The following ADGRG4 variants were observed in gnomAD, a reference collection of about 807,000 sequenced individuals.
The protein encoded by ADGRG4 is adhesion G protein-coupled receptor G4, also known as G protein-coupled receptor 112.
Under a neutral mutation model 126.2 loss-of-function variants are expected in ADGRG4, and 122 were observed. The observed-to-expected ratio is 0.97, with a 90% CI of 0.83 to 1.12. The LOEUF (loss-of-function observed/expected upper bound fraction) is 1.12. ADGRG4 is among the 50% of genes most tolerant of loss of function. ADGRG4 has a pLI of 0.00. For missense variants in ADGRG4, 2,481 were observed against 2,251.8 expected, an observed-to-expected ratio of 1.10 and a Z score of -2.06; for synonymous variants, 943 against 838.7, an observed-to-expected ratio of 1.12 and a Z score of -2.15.
Position 136,328,464 on chromosome X carries a change from G to T in ADGRG4, c.685+5072G>T, listed in dbSNP as rs915313404. On this transcript the variant is annotated intron_variant, in intron 5 of 25. Coordinates refer to ENST00000394143, the MANE Select transcript of ADGRG4 (RefSeq NM_153834.4). Reference sequence around the variant, plus strand: ...ACCTGTGAATGTATGAAGAAAAAGAGTCTTCCAAAGACATGCAGATTAAAT... The same window carrying T: ...ACCTGTGAATGTATGAAGAAAAAGATTCTTCCAAAGACATGCAGATTAAAT... Among the ~76,000 whole-genome samples the T allele has an allele frequency of 2.7e-5, 3 of 112,016 alleles. No individual in the cohort carries two copies. In the East Asian group the frequency reaches 8.3e-4, roughly 31 times the overall value.
chrX:136,351,600 A>T lies in ADGRG4; in HGVS notation c.6822+59A>T. On this transcript the variant is annotated intron_variant, in intron 7 of 25. Transcript: ENST00000394143. Reference sequence around the variant, plus strand: ...TAAATATATGTGAATATATACATTTATATATATGACAGAATATATTAAAAC... The same window carrying T: ...TAAATATATGTGAATATATACATTTTTATATATGACAGAATATATTAAAAC... The T allele has an allele frequency of 6.0e-6, 3 of 499,325 alleles. No homozygotes were observed. In the African/African-American group the frequency reaches 7.4e-5, roughly 12 times the overall value. The allele number at this position is 499,325 out of a possible 1,213,427, so 41.1% of individuals were successfully genotyped here.
Position 136,358,050 on chromosome X carries a change from C to T in ADGRG4, c.6980+294C>T, listed in dbSNP as rs763376229. On this transcript the variant is annotated intron_variant, in intron 10 of 25. Coordinates refer to ENST00000394143, the MANE Select transcript of ADGRG4 (RefSeq NM_153834.4). The stretch of plus-strand genomic sequence containing the variant: ...TGTTTGTTTTGGTCAAAAAGGTCCA[C>T]GAAACACTTGGCAGGGAAATTGGAA... Among the ~76,000 whole-genome samples the T allele has an allele frequency of 8.1e-5, 9 of 111,507 alleles. No homozygotes were observed. In the East Asian group the frequency reaches 8.5e-4, roughly 11 times the overall value.
At chrX:136,363,339 G>T (rs2075139433) in intron 12 of ADGRG4, 138 bp from the exon 13 acceptor site, 1 of 498,436 alleles carries the variant, frequency 2.0e-6, no homozygotes, top group Non-Finnish European at 3.6e-6. Context: ...AAGAAGTACT[G>T]GGCTCCCACC....
At chrX:136,361,632 A>T in intron 12 of ADGRG4, 45 bp downstream of exon 12, 1 of 1,011,188 alleles carries the variant, frequency 9.9e-7, no homozygotes, top group Non-Finnish European at 1.3e-6. Context: ...ATATACAAAG[A>T]TCTACCTAAT....
chrX:136,367,197 G>A (rs1160115501), intron 13 of ADGRG4, among the ~76,000 whole-genome samples: 1 of 112,135 alleles, frequency 8.9e-6, no homozygotes, highest in Non-Finnish European at 1.9e-5. Flanking sequence ...CCAGTGCCTC[G>A]CAGAAGGGCC....
rs753098159 is a variant in ADGRG4 at position 136,347,306 on chromosome X, G to T, written c.3600G>T (p.Leu1200Phe). The T allele has an allele frequency of 1.8e-5, 22 of 1,208,378 alleles. No homozygotes were observed. In the Admixed American group the frequency reaches 4.8e-4, roughly 26 times the overall value. ...GTGGTGGTGGAGTTGTTGCCAGCTT[G>T]GCTACTGGCACCACAGAGACCTCTG... ...TFSGGGVVASLATGTTETSVV... is the reference protein window; with the variant it reads ...TFSGGGVVASFATGTTETSVV... Residue 1200 changes from leucine to phenylalanine, a missense_variant, in exon 6 of 26, where the codon TTG becomes TTT. Transcript: ENST00000394143.
chrX:136,308,901 T>C lies in ADGRG4; in HGVS notation c.70+54T>C, dbSNP rs377314366. Reference sequence around the variant, plus strand: ...TCAATGTCTCATGTATAGTAGGTTATAGAAATAAACCATTTGAAAAATACT... The same window carrying C: ...TCAATGTCTCATGTATAGTAGGTTACAGAAATAAACCATTTGAAAAATACT... On this transcript the variant is annotated intron_variant, in intron 4 of 25. Coordinates refer to ENST00000394143, the MANE Select transcript of ADGRG4 (RefSeq NM_153834.4). 1.5e-3 allele frequency: 1,114 copies of C among 747,592 alleles called. 3 individuals are homozygous for C. Among genetic ancestry groups the C allele is most frequent in the South Asian group, 5.4e-3 (240 of 44,156 alleles). The allele number at this position is 747,592 out of a possible 1,213,427, so 61.6% of individuals were successfully genotyped here.
intron 18 of ADGRG4, among the ~76,000 whole-genome samples, chrX:136,393,821 A>G: frequency 8.9e-6 from 1 of 111,988 alleles, no homozygotes; most frequent in South Asian, 3.7e-4. Flanking sequence ...ATCATGCCCA[A>G]TAACTAATTG....
At chrX:136,311,394 T>TACACACAC (rs72201867) in intron 4 of ADGRG4, among the ~76,000 whole-genome samples, 3,042 of 95,582 alleles carry the variant, frequency 0.032, 111 homozygotes, top group African/African-American at 0.092. Context: ...TCATACCATG[T>TACACACAC]ACACACACAC....
intron 4 of ADGRG4, among the ~76,000 whole-genome samples, chrX:136,319,700 T>TATCTATCTATC (rs1328389280): frequency 3.4e-5 from 1 of 29,681 alleles, no homozygotes; most frequent in African/African-American, 1.3e-4. Context: ...ACAGTGATTC[T>TATCTATCTATC]ATCTATCTAT....
At chrX:136,344,314 A>G in intron 5 of ADGRG4, 78 bp from the exon 6 acceptor site, 1 of 611,754 alleles carries the variant, frequency 1.6e-6, no homozygotes. Context: ...AAATGAAAAG[A>G]AATTATAGAG....
intron 5 of ADGRG4, among the ~76,000 whole-genome samples, chrX:136,336,089 C>T (rs1362892235): frequency 1.8e-5 from 2 of 111,158 alleles, no homozygotes; most frequent in Non-Finnish European, 3.8e-5. Flanking sequence ...TTATTTAATT[C>T]AATGTTTTAA....
At chrX:136,378,680 G>A in intron 15 of ADGRG4, among the ~76,000 whole-genome samples, 1 of 110,912 alleles carries the variant, frequency 9.0e-6, no homozygotes. Flanking sequence ...TCTATTCTTG[G>A]TTTCCTGAAA....
chrX:136,378,831 G>GA (rs1159111969), intron 15 of ADGRG4, among the ~76,000 whole-genome samples: 1 of 111,436 alleles, frequency 9.0e-6, no homozygotes, highest in Non-Finnish European at 1.9e-5. Context: ...TGAATTCCTA[G>GA]AAAAAACCCT....
Position 136,371,386 on chromosome X carries a change from G to A in ADGRG4, c.7455G>A (p.Leu2485=), listed in dbSNP as rs778758255. The part of the protein sequence containing the change: ...ILNLINESPA[L]GKEETKIIVS... The stretch of plus-strand genomic sequence containing the variant: ...ATTTGATAAATGAATCCCCAGCCCT[G>A]GGTAAAGAAGAGACAAAGATTATTG... Residue 2485 remains leucine (L), a synonymous_variant, in exon 14 of 26, where the codon CTG becomes CTA. Transcript: ENST00000394143. 9.2e-6 allele frequency: 11 copies of A among 1,196,410 alleles called. No homozygotes were observed. Among genetic ancestry groups the A allele is most frequent in the Non-Finnish European group, 1.2e-5 (11 of 885,640 alleles).
At chrX:136,377,258 A>G (rs1413842926) in intron 15 of ADGRG4, among the ~76,000 whole-genome samples, 1 of 99,638 alleles carries the variant, frequency 1.0e-5, no homozygotes, top group African/African-American at 3.8e-5. Flanking sequence ...TGTGGCTTGA[A>G]CACAGATCAC....
rs2075052011 is a variant in ADGRG4 at position 136,350,199 on chromosome X, C to T, written c.6493C>T (p.Pro2165Ser). The T allele has an allele frequency of 2.5e-6, 3 of 1,207,337 alleles. No individual in the cohort carries two copies. Among genetic ancestry groups the T allele is most frequent in the Non-Finnish European group, 3.4e-6 (3 of 893,044 alleles). The change falls in exon 6 of 26, where the codon CCC becomes TCC. Residue 2165 changes from proline (P) to serine (S), a missense_variant. Pro to Ser is a moderately conservative substitution (Grantham distance 74, BLOSUM62 -1). Coordinates refer to ENST00000394143, the MANE Select transcript of ADGRG4 (RefSeq NM_153834.4). ...GAACAGAATTCCAACTGCATCATCA[C>T]CCTCTACTTTAATTATTCCTAAGCC... ...SWNRIPTASS[P>S]STLIIPKPTL... is the part of the protein sequence containing the mutation.
chrX:136,371,677 C>T (rs1373044995), intron 14 of ADGRG4, 133 bp downstream of exon 14: 198 of 408,777 alleles, frequency 4.8e-4, no homozygotes, highest in South Asian at 4.3e-4. Flanking sequence ...AAAAATCTTG[C>T]GTCGATACTG....
intron 5 of ADGRG4, among the ~76,000 whole-genome samples, chrX:136,342,636 G>A (rs764753870): frequency 6.7e-4 from 74 of 110,306 alleles, no homozygotes; most frequent in Non-Finnish European, 3.4e-4. Flanking sequence ...AATCAGATGA[G>A]GAAGGATGGG....
Sources: allele counts gnomAD v4.1 joint callset (sites outside exome capture counted in the v4.1 genomes callset), GRCh38; gene constraint gnomAD v4.1.1; transcripts MANE v1.5; gene names NCBI Gene and HGNC (gene_info 2026-07-23, HGNC 2026-07-21).